SPON1: variants seen among roughly 807,000 people sequenced by gnomAD.
SPON1 encodes the protein spondin-1.
In SPON1, 52 loss-of-function variants were observed where a neutral mutation model predicts 111.7. The observed-to-expected ratio is 0.47, with a 90% CI of 0.37 to 0.59. The LOEUF (loss-of-function observed/expected upper bound fraction) is 0.59, where lower values mean the gene tolerates loss of function less well. Ranked by LOEUF, SPON1 falls within the 20% of genes least tolerant of loss-of-function variation. The probability of loss-of-function intolerance (pLI) is 0.00; values close to 1 mark genes in which losing one functional copy is unlikely to be tolerated. For missense variants in SPON1, 957 were observed against 1,068.5 expected, an observed-to-expected ratio of 0.90 and a Z score of 1.46; for synonymous variants, 410 against 395.8, an observed-to-expected ratio of 1.04 and a Z score of -0.43.
chr11:14,050,991 C>T (rs2403709), intron 3 of SPON1, among the ~76,000 whole-genome samples: 60,199 of 152,076 alleles, frequency 0.4, 13,071 homozygotes, highest in South Asian at 0.57. Flanking sequence ...CATCCCATTG[C>T]AGTGGGGGCA....
chr11:14,097,344 T>C (rs1849109521), intron 5 of SPON1, among the ~76,000 whole-genome samples: 2 of 152,186 alleles, frequency 1.3e-5, no homozygotes, highest in African/African-American at 4.8e-5. Context: ...AACTGAGACT[T>C]GAAGAGATTT....
Position 14,080,029 on chromosome 11 carries a change from G to T in SPON1, c.676+8G>T. 6.2e-7 allele frequency: 1 copy of T among 1,613,876 alleles called. No individual in the cohort carries two copies. The highest frequency in any genetic ancestry group is 8.5e-7 in the Non-Finnish European group (1 of 1,179,848). Reference sequence around the variant, plus strand: ...ACCCAAAGGATTACCCTCGTGAGTAGAGTGGCTACTCTGTGGTTTGGGGAA... The same window carrying T: ...ACCCAAAGGATTACCCTCGTGAGTATAGTGGCTACTCTGTGGTTTGGGGAA... On this transcript the variant is annotated splice_region_variant and intron_variant, in intron 5 of 15. Transcript: ENST00000576479.
intron 7 of SPON1, among the ~76,000 whole-genome samples, chr11:14,244,927 A>T (rs1353105838): frequency 6.6e-5 from 10 of 152,180 alleles, no homozygotes; most frequent in Non-Finnish European, 1.5e-5. Flanking sequence ...GCCACCCCGA[A>T]TCCTGGGCAG....
At chr11:14,191,313 C>A (rs1203733010) in intron 6 of SPON1, among the ~76,000 whole-genome samples, 4 of 152,144 alleles carry the variant, frequency 2.6e-5, no homozygotes, top group African/African-American at 7.2e-5. Flanking sequence ...ATGTTATATA[C>A]AAAGGATGAT....
rs78906781 is a variant in SPON1 at position 14,235,016 on chromosome 11, C to T, written c.826-8316C>T. Reference sequence around the variant, plus strand: ...CAGCCCACCTGAGCCAGGTTCAGAACCTGTGAGCTCTGACCACGGTTCCCA... The same window carrying T: ...CAGCCCACCTGAGCCAGGTTCAGAATCTGTGAGCTCTGACCACGGTTCCCA... On this transcript the variant is annotated intron_variant, in intron 6 of 15. Transcript: ENST00000576479. Among the ~76,000 whole-genome samples the T allele has an allele frequency of 6.0e-3, 917 of 152,310 alleles. 10 individuals carry two copies. The highest frequency in any genetic ancestry group is 0.021 in the African/African-American group (855 of 41,566).
chr11:14,033,709 CT>C (rs1554916320), intron 2 of SPON1, among the ~76,000 whole-genome samples: 1 of 152,174 alleles, frequency 6.6e-6, no homozygotes, highest in Non-Finnish European at 1.5e-5. Context: ...TAAAATGCCC[CT>C]GATATTTGAA....
At chr11:14,095,350 T>C (rs1262425243) in intron 5 of SPON1, among the ~76,000 whole-genome samples, 1 of 151,980 alleles carries the variant, frequency 6.6e-6, no homozygotes, top group East Asian at 1.9e-4. Flanking sequence ...AAATTAAACA[T>C]TATATTACAG....
At chr11:14,226,265 T>A (rs1187829021) in intron 6 of SPON1, among the ~76,000 whole-genome samples, 1 of 152,152 alleles carries the variant, frequency 6.6e-6, no homozygotes, top group Non-Finnish European at 1.5e-5. Context: ...TAATGACAGG[T>A]TTTAGTTACA....
chr11:14,104,218 T>C (rs541580647), intron 5 of SPON1, among the ~76,000 whole-genome samples: 1 of 152,238 alleles, frequency 6.6e-6, no homozygotes, highest in Admixed American at 6.5e-5. Flanking sequence ...TTTTCGTTTT[T>C]GTGTTTTATT....
At chr11:13,970,185 C>G (rs1223033628) in intron 1 of SPON1, among the ~76,000 whole-genome samples, 1 of 152,074 alleles carries the variant, frequency 6.6e-6, no homozygotes, top group African/African-American at 2.4e-5. Context: ...TATAAAATGC[C>G]CCACTTTTAC....
intron 5 of SPON1, among the ~76,000 whole-genome samples, chr11:14,129,189 C>A (rs1385163651): frequency 1.3e-5 from 2 of 151,692 alleles, no homozygotes; most frequent in Non-Finnish European, 2.9e-5. Flanking sequence ...TTTTTTCTTA[C>A]CACATAGGCT....
chr11:14,238,693 CTGTTAGGGG>C (rs1848892111), intron 6 of SPON1, among the ~76,000 whole-genome samples: 1 of 152,148 alleles, frequency 6.6e-6, no homozygotes, highest in Non-Finnish European at 1.5e-5. Context: ...AGCCCATGGC[CTGTTAGGGG>C]ATATGCTCTT....
intron 1 of SPON1, among the ~76,000 whole-genome samples, chr11:13,965,358 T>A (rs1469396103): frequency 2.6e-5 from 4 of 152,324 alleles, no homozygotes; most frequent in Non-Finnish European, 5.9e-5. Flanking sequence ...TCAGGCCAAG[T>A]GTACCCAGCG....
intron 2 of SPON1, among the ~76,000 whole-genome samples, chr11:14,014,879 A>G (rs1848433614): frequency 6.6e-6 from 1 of 152,230 alleles, no homozygotes; most frequent in African/African-American, 2.4e-5. Context: ...GAGGTACATG[A>G]AATTTTAAAT....
At chr11:13,980,437 T>G (rs1410836476) in intron 1 of SPON1, among the ~76,000 whole-genome samples, 7 of 152,222 alleles carry the variant, frequency 4.6e-5, no homozygotes, top group Admixed American at 2.6e-4. Context: ...ATTTACCTTC[T>G]TTATGTCTTA....
chr11:14,050,051 G>A (rs1286763089), intron 3 of SPON1, among the ~76,000 whole-genome samples: 3 of 152,150 alleles, frequency 2.0e-5, no homozygotes, highest in African/African-American at 7.2e-5. Context: ...TGGCAGGACT[G>A]GGTTTCATGT....
At chr11:14,008,036 C>A (rs1848376464) in intron 2 of SPON1, among the ~76,000 whole-genome samples, 1 of 152,202 alleles carries the variant, frequency 6.6e-6, no homozygotes, top group Non-Finnish European at 1.5e-5. Flanking sequence ...ACTATTCACA[C>A]TTTCTGGGGA....
chr11:14,061,411 A>C lies in SPON1; in HGVS notation c.480-13934A>C, dbSNP rs77185083. ...ATCCATCCACCTATCCAGTCATCTA[A>C]TTCTGTTATCCATCATTGGTTGTAA... On this transcript the variant is annotated intron_variant, in intron 3 of 15. Coordinates refer to ENST00000576479, the MANE Select transcript of SPON1 (RefSeq NM_006108.4). Among the ~76,000 whole-genome samples the C allele has an allele frequency of 7.6e-4, 116 of 152,312 alleles. 2 individuals carry two copies. In the East Asian group the frequency reaches 0.013, roughly 18 times the overall value.
chr11:14,184,092 A>G (rs1400006909), intron 6 of SPON1, among the ~76,000 whole-genome samples: 2 of 152,162 alleles, frequency 1.3e-5, no homozygotes, highest in African/African-American at 4.8e-5. Flanking sequence ...CAAACATTCA[A>G]CCGAACAATA....
Sources: allele counts gnomAD v4.1 joint callset (sites outside exome capture counted in the v4.1 genomes callset), GRCh38; gene constraint gnomAD v4.1.1; transcripts MANE v1.5; gene names NCBI Gene and HGNC (gene_info 2026-07-23, HGNC 2026-07-21).